Variants in PHF3 observed in about 807,000 individuals in gnomAD.
PHF3 encodes the protein PHD finger protein 3.
Under a neutral mutation model 178.4 loss-of-function variants are expected in PHF3, and 41 were observed. The observed-to-expected ratio is 0.23, with a 90% CI of 0.18 to 0.30. The LOEUF is 0.30. PHF3 is among the 10% of genes least tolerant of loss of function. The pLI is 1.00. For missense variants in PHF3, 2,346 were observed against 2,398.1 expected (o/e 0.98, Z 0.45); for synonymous variants, 842 against 800.5 (o/e 1.05, Z -0.88).
chr6:63,639,725 A>G (rs1764493759), intron 1 of PHF3, among the ~76,000 whole-genome samples: 1 of 152,150 alleles, frequency 6.6e-6, no homozygotes, highest in Non-Finnish European at 1.5e-5. Context: ...CACCTACCTT[A>G]TAGGGTCGCT....
Position 63,720,864 on chromosome 6 carries a change from A to G in PHF3, c.*7156A>G. The G allele has an allele frequency of 6.4e-7, 1 of 1,551,212 alleles. No homozygotes were observed. Among genetic ancestry groups the G allele is most frequent in the South Asian group, 1.2e-5 (1 of 84,054 alleles). On this transcript the variant is annotated 3_prime_UTR_variant, in exon 16 of 16. Coordinates refer to ENST00000262043, the MANE Select transcript of PHF3 (RefSeq NM_001370348.2). ...TAGACTGTTATTTATGTAGGCCTTG[A>G]TAAGAGTCTGATTTTGAATTACAAC... is the stretch of plus-strand genomic sequence containing the variant.
chr6:63,657,513 TGTC>T (rs569333298), intron 2 of PHF3, among the ~76,000 whole-genome samples: 21 of 152,186 alleles, frequency 1.4e-4, no homozygotes, highest in Non-Finnish European at 2.4e-4. Context: ...ACTAGAGAAA[TGTC>T]ATGAAGAAAA....
intron 9 of PHF3, among the ~76,000 whole-genome samples, chr6:63,701,912 G>T (rs1767493056): frequency 6.6e-6 from 1 of 152,102 alleles, no homozygotes; most frequent in Admixed American, 6.5e-5. Flanking sequence ...CTTAACAAAG[G>T]CAGTACCATC....
intron 2 of PHF3, among the ~76,000 whole-genome samples, chr6:63,654,995 G>A (rs1448934331): frequency 1.4e-5 from 2 of 146,544 alleles, no homozygotes. Context: ...CCAGGCTCAA[G>A]TGATCCTCCC....
intron 2 of PHF3, 89 bp downstream of exon 2, chr6:63,646,884 CTTT>C (rs745751113): frequency 2.2e-3 from 1,303 of 592,274 alleles, no homozygotes; most frequent in East Asian, 3.6e-3. Context: ...TTCTTTTTTT[CTTT>C]TTTTTTTTTT....
At chr6:63,674,281 A>AAC in intron 2 of PHF3, among the ~76,000 whole-genome samples, 1 of 334 alleles carries the variant, frequency 3.0e-3, no homozygotes, top group Non-Finnish European at 7.0e-3. Context: ...AGTAAAAATG[A>AAC]ATATATATGT....
intron 3 of PHF3, among the ~76,000 whole-genome samples, chr6:63,683,113 A>G (rs1236224544): frequency 1.3e-5 from 2 of 151,990 alleles, no homozygotes; most frequent in African/African-American, 2.4e-5. Flanking sequence ...GTTGTGTCCT[A>G]TGGGAATTAG....
At chr6:63,702,677 T>C in intron 10 of PHF3, 38 bp downstream of exon 10, 1 of 1,554,902 alleles carries the variant, frequency 6.4e-7, no homozygotes, top group Non-Finnish European at 8.7e-7. Context: ...GCTCAAAACA[T>C]GAAGATTCAG....
At chr6:63,685,999 G>C (rs1035186056) in intron 4 of PHF3, 88 bp downstream of exon 4, 1 of 859,624 alleles carries the variant, frequency 1.2e-6, no homozygotes, top group East Asian at 2.5e-5. Flanking sequence ...TTGTTTTAAA[G>C]ACATTATTTG....
At chr6:63,645,813 A>G (rs1394499366) in intron 1 of PHF3, among the ~76,000 whole-genome samples, 1 of 152,180 alleles carries the variant, frequency 6.6e-6, no homozygotes, top group Admixed American at 6.5e-5. Flanking sequence ...CATAACTAAA[A>G]TAAATCTAAA....
chr6:63,684,110 T>C lies in PHF3; in HGVS notation c.407-19T>C. 6.5e-7 allele frequency: 1 copy of C among 1,533,884 alleles called. No individual in the cohort carries two copies. Among genetic ancestry groups the C allele is most frequent in the Non-Finnish European group, 8.8e-7 (1 of 1,136,506 alleles). ...CAAAATAGCTAAGTATTTTTATTTA[T>C]TTTTTCCCCCTGTGATAGAACAAGT... On this transcript the variant is annotated intron_variant, in intron 3 of 15. Transcript: ENST00000262043.
At chr6:63,651,723 C>G (rs1160686812) in intron 2 of PHF3, among the ~76,000 whole-genome samples, 1 of 152,122 alleles carries the variant, frequency 6.6e-6, no homozygotes, top group Non-Finnish European at 1.5e-5. Flanking sequence ...TTCCCCTTCC[C>G]CAACTCTGGT....
intron 1 of PHF3, among the ~76,000 whole-genome samples, chr6:63,642,105 C>T (rs76985427): frequency 1.5e-3 from 227 of 152,240 alleles, no homozygotes; most frequent in African/African-American, 5.2e-3. Flanking sequence ...GAAATATCTT[C>T]GGACTCAGAT....
rs11285703 is a variant in PHF3 at position 63,646,806 on chromosome 6, CTTT to C, written c.244+31_244+33del. 33,777 of 988,668 alleles carry C rather than the reference CTTT, an allele frequency of 0.034. No individual in the cohort carries two copies. The highest frequency in any genetic ancestry group is 0.046 in the Middle Eastern group (113 of 2,468). 61.2% of individuals were successfully genotyped at this position (988,668 alleles called of 1,614,324 possible). A position where few individuals can be genotyped will look rare whatever the true frequency, so the allele number is the denominator to read the frequency against. ...TGCCTTGTTCAACAGGTAATTCTTA[CTTT>C]TTTTTTTTTTTTTTTTTTTAGTCTG... is the stretch of plus-strand genomic sequence containing the variant. On this transcript the variant is annotated intron_variant, in intron 2 of 15. Transcript: ENST00000262043.
At chr6:63,702,681 G>T in intron 10 of PHF3, 42 bp downstream of exon 10, 1 of 1,545,054 alleles carries the variant, frequency 6.5e-7, no homozygotes, top group South Asian at 1.2e-5. Flanking sequence ...AAAACATGAA[G>T]ATTCAGAAAA....
Position 63,713,783 on chromosome 6 carries a change from C to A in PHF3, c.*75C>A. On this transcript the variant is annotated 3_prime_UTR_variant, in exon 16 of 16. Transcript: ENST00000262043. ...TATCTTGTAAACAAAAGAAAGATTG[C>A]CTGCTAGGATTGTGCCATCTTTAAA... 8.0e-7 allele frequency: 1 copy of A among 1,247,450 alleles called. No homozygotes were observed. The highest frequency in any genetic ancestry group is 1.1e-6 in the Non-Finnish European group (1 of 914,490). The allele number at this position is 1,247,450 out of a possible 1,614,324, so 77.3% of individuals were successfully genotyped here. A position where few individuals can be genotyped will look rare whatever the true frequency, so the allele number is the denominator to read the frequency against.
chr6:63,646,087 T>C (rs943497089), intron 1 of PHF3, among the ~76,000 whole-genome samples: 5 of 152,206 alleles, frequency 3.3e-5, no homozygotes, highest in Non-Finnish European at 5.9e-5. Context: ...AGGTATGGGA[T>C]AAAAATTTAA....
chr6:63,643,036 CT>C (rs1191870704), intron 1 of PHF3, among the ~76,000 whole-genome samples: 1 of 151,848 alleles, frequency 6.6e-6, no homozygotes, highest in Non-Finnish European at 1.5e-5. Flanking sequence ...AAGCTAGTGC[CT>C]TTATCAGAAC....
Position 63,721,140 on chromosome 6 carries a change from T to G in PHF3, c.*7432T>G. The G allele has an allele frequency of 6.4e-7, 1 of 1,551,542 alleles. No homozygotes were observed. The highest frequency in any genetic ancestry group is 8.7e-7 in the Non-Finnish European group (1 of 1,146,802). On this transcript the variant is annotated 3_prime_UTR_variant, in exon 16 of 16. Coordinates refer to ENST00000262043, the MANE Select transcript of PHF3 (RefSeq NM_001370348.2). ...ATAATTTGGATCAATGTATTTAATGTAAGAATTACCCATAAATTTTGCAGT... is the reference window on the plus strand; with the variant it reads ...ATAATTTGGATCAATGTATTTAATGGAAGAATTACCCATAAATTTTGCAGT...
Sources: allele counts gnomAD v4.1 joint callset (sites outside exome capture counted in the v4.1 genomes callset), GRCh38; gene constraint gnomAD v4.1.1; transcripts MANE v1.5; gene names NCBI Gene and HGNC (gene_info 2026-07-23, HGNC 2026-07-21).